Variants in CLCN3 observed in about 807,000 individuals in gnomAD.
CLCN3 encodes H(+)/Cl(-) exchange transporter 3.
CLCN3 carries 16 observed loss-of-function variants against 83.4 expected under a neutral mutation model. That is an observed-to-expected ratio of 0.19 (90% CI 0.13 to 0.29). The LOEUF (loss-of-function observed/expected upper bound fraction) is 0.29, where lower values mean the gene tolerates loss of function less well. CLCN3 is among the 10% of genes least tolerant of loss of function. The pLI, the probability that CLCN3 is intolerant of heterozygous loss-of-function variation, is 1.00. For synonymous variants in CLCN3, 322 were observed against 346.2 expected (o/e 0.93, Z 0.78); for missense variants, 544 against 1,006.0 (o/e 0.54, Z 6.21).
intron 2 of CLCN3, among the ~76,000 whole-genome samples, chr4:169,655,087 T>C (rs1730842946): frequency 6.6e-6 from 1 of 152,210 alleles, no homozygotes; most frequent in African/African-American, 2.4e-5. Context: ...TTTCTAATTA[T>C]AGTTTTTTAT....
intron 2 of CLCN3, among the ~76,000 whole-genome samples, chr4:169,649,942 G>A (rs2150211667): frequency 6.6e-6 from 1 of 152,184 alleles, no homozygotes; most frequent in Middle Eastern, 3.4e-3. Context: ...AAATTAGCTG[G>A]GGCATGGTGG....
At chr4:169,629,048 A>C (rs1715529958) in intron 1 of CLCN3, among the ~76,000 whole-genome samples, 1 of 152,222 alleles carries the variant, frequency 6.6e-6, no homozygotes, top group African/African-American at 2.4e-5. Flanking sequence ...TCCCCATATC[A>C]TATCATTTAT....
chr4:169,632,892 CTG>C (rs778910861), intron 1 of CLCN3, among the ~76,000 whole-genome samples: 32 of 151,982 alleles, frequency 2.1e-4, no homozygotes, highest in African/African-American at 4.8e-4. Context: ...GAAAAAAAAA[CTG>C]TGCTGGCTGC....
intron 2 of CLCN3, among the ~76,000 whole-genome samples, chr4:169,679,772 C>T (rs571975842): frequency 1.3e-5 from 2 of 152,272 alleles, no homozygotes; most frequent in East Asian, 3.9e-4. Flanking sequence ...TGCCTGCAAT[C>T]CCAGGCACTC....
intron 2 of CLCN3, among the ~76,000 whole-genome samples, chr4:169,646,856 T>A (rs1366650477): frequency 6.6e-6 from 1 of 152,206 alleles, no homozygotes; most frequent in Non-Finnish European, 1.5e-5. Context: ...TTTTCTCATC[T>A]AAAAAATGAA....
At chr4:169,690,744 A>C in intron 6 of CLCN3, 92 bp downstream of exon 6, 1 of 1,248,288 alleles carries the variant, frequency 8.0e-7, no homozygotes, top group Non-Finnish European at 1.1e-6. Context: ...TTCTGGAGGG[A>C]GGGGATAGTT....
At chr4:169,631,948 G>T (rs1219481110) in intron 1 of CLCN3, among the ~76,000 whole-genome samples, 2 of 152,094 alleles carry the variant, frequency 1.3e-5, no homozygotes, top group Non-Finnish European at 2.9e-5. Context: ...AACCAGAAAA[G>T]CCCTGGACCA....
At chr4:169,696,883 A>G (rs1732583947) in intron 8 of CLCN3, among the ~76,000 whole-genome samples, 2 of 151,452 alleles carry the variant, frequency 1.3e-5, no homozygotes, top group Non-Finnish European at 2.9e-5. Flanking sequence ...GTGATGGTAC[A>G]TTTATTTTTA....
intron 1 of CLCN3, among the ~76,000 whole-genome samples, chr4:169,626,614 G>A (rs925749023): frequency 1.3e-5 from 2 of 152,194 alleles, no homozygotes; most frequent in Non-Finnish European, 2.9e-5. Context: ...GTGGAAAGGA[G>A]GGCAGGAAAA....
rs1733702790 is a variant in CLCN3, at chr4:169,723,566, C to T, written c.*3569C>T. 6.6e-6 allele frequency: 1 copy of T among 151,992 alleles called. No homozygotes were observed. Among genetic ancestry groups the T allele is most frequent in the Non-Finnish European group, 1.5e-5 (1 of 68,020 alleles). The allele number at this position is 151,992 out of a possible 1,614,324, so 9.4% of individuals were successfully genotyped here. ...TATTTACATGTCTTTAAAAAATCAC[C>T]TTGGACATTTGCTAATAGAACTGCC... is the stretch of plus-strand genomic sequence containing the variant. On this transcript the variant is annotated 3_prime_UTR_variant, in exon 13 of 13. Transcript: ENST00000513761.
At chr4:169,702,711 G>A (rs1732836674) in intron 9 of CLCN3, 1 of 174,474 alleles carries the variant, frequency 5.7e-6, no homozygotes, top group African/African-American at 2.4e-5. Context: ...GGAGGCCAAG[G>A]CAGAAGGATC....
intron 2 of CLCN3, among the ~76,000 whole-genome samples, chr4:169,655,191 T>G (rs961053869): frequency 6.6e-6 from 1 of 152,198 alleles, no homozygotes; most frequent in African/African-American, 2.4e-5. Flanking sequence ...CTTTCAGTCT[T>G]TCTGCATCTG....
intron 2 of CLCN3, among the ~76,000 whole-genome samples, 169 bp downstream of exon 2, chr4:169,636,257 G>T (rs1773499836): frequency 6.6e-6 from 1 of 152,068 alleles, no homozygotes; most frequent in Non-Finnish European, 1.5e-5. Flanking sequence ...CATTTAGCAG[G>T]TTCACAGTGT....
chr4:169,668,120 A>G (rs539070393), intron 2 of CLCN3, among the ~76,000 whole-genome samples: 2 of 144,884 alleles, frequency 1.4e-5, no homozygotes, highest in East Asian at 4.0e-4. Flanking sequence ...TAACTTAGTC[A>G]TATGAGTAAT....
At chr4:169,672,220 T>TGATGATAGATAGATA (rs1553968500) in intron 2 of CLCN3, among the ~76,000 whole-genome samples, 1 of 145,496 alleles carries the variant, frequency 6.9e-6, no homozygotes. Flanking sequence ...TCAAAATAAA[T>TGATGATAGATAGATA]GATAGATAGA....
At chr4:169,707,441 T>C (rs1733037103) in intron 11 of CLCN3, among the ~76,000 whole-genome samples, 175 bp downstream of exon 11, 1 of 152,190 alleles carries the variant, frequency 6.6e-6, no homozygotes, top group African/African-American at 2.4e-5. Flanking sequence ...GATGATTTTC[T>C]GCTATTTAGC....
chr4:169,680,162 T>C lies in CLCN3; in HGVS notation c.273T>C (p.Ile91=). 6.2e-7 allele frequency: 1 copy of C among 1,613,962 alleles called. No homozygotes were observed. The highest frequency in any genetic ancestry group is 8.5e-7 in the Non-Finnish European group (1 of 1,179,852). The part of the protein sequence containing the change: ...GVGTYDDFHT[I]DWVREKCKDR... The stretch of plus-strand genomic sequence containing the variant: ...GTACATATGATGATTTCCATACTAT[T>C]GATTGGGTGCGAGAAAAATGTAAAG... The change falls in exon 3 of 13, where the codon ATT becomes ATC. Residue 91 remains isoleucine, a synonymous_variant. Transcript: ENST00000513761.
chr4:169,638,750 TG>T, intron 2 of CLCN3, among the ~76,000 whole-genome samples: 1 of 152,202 alleles, frequency 6.6e-6, no homozygotes, highest in East Asian at 1.9e-4. Context: ...GCAGTAAGGA[TG>T]GGGCAAGGGC....
rs1773096865 is a variant in CLCN3, at chr4:169,620,951, G to C, written c.-129G>C. ...ATCGCGATAGTTTTCGCTGTGTCAG[G>C]CTTTCTTCGGTGGAGCTCCGAGGGT... On this transcript the variant is annotated 5_prime_UTR_variant, in exon 1 of 13. Transcript: ENST00000513761. 1 of 398,402 alleles carries C rather than the reference G, an allele frequency of 2.5e-6. No individual in the cohort carries two copies. The highest frequency in any genetic ancestry group is 4.4e-5 in the Admixed American group (1 of 22,706). The allele number at this position is 398,402 out of a possible 1,614,324, so 24.7% of individuals were successfully genotyped here.
Sources: gnomAD v4.1 joint callset for allele counts (sites outside exome capture counted in the v4.1 genomes callset) on GRCh38, gnomAD v4.1.1 for gene constraint, MANE v1.5 for transcripts, NCBI Gene and HGNC (gene_info 2026-07-23, HGNC 2026-07-21) for gene names.